PRKCD: variants seen among roughly 807,000 people sequenced by gnomAD.
PRKCD encodes protein kinase C delta.
A neutral mutation model predicts 82.2 loss-of-function variants in PRKCD; 20 were observed. That is an observed-to-expected ratio of 0.24 (90% CI 0.17 to 0.35). PRKCD has a LOEUF of 0.35. Among genes scored for constraint, PRKCD ranks in the 10% least tolerant of loss-of-function variants. The pLI, the probability that PRKCD is intolerant of heterozygous loss-of-function variation, is 1.00. For synonymous variants in PRKCD, 317 were observed against 337.0 expected, an observed-to-expected ratio of 0.94 and a Z score of 0.65; for missense variants, 607 against 899.0, an observed-to-expected ratio of 0.68 and a Z score of 4.15.
intron 9 of PRKCD, among the ~76,000 whole-genome samples, chr3:53,183,809 GGA>G (rs1408399278): frequency 6.6e-6 from 1 of 152,236 alleles, no homozygotes; most frequent in Non-Finnish European, 1.5e-5. Context: ...TGAGCCATTT[GGA>G]GGAGAAAAGC....
Position 53,168,975 on chromosome 3 carries a change from CA to C in PRKCD, c.-20+3761del, listed in dbSNP as rs60312247. On this transcript the variant is annotated intron_variant, in intron 2 of 18. Coordinates refer to ENST00000330452, the MANE Select transcript of PRKCD (RefSeq NM_006254.4). ...GAAAAGCCCCGTCTGGTGGCTGGAA[CA>C]GGGGGACTGTCGGGCCGGGGTAGAG... Among the ~76,000 whole-genome samples, 1,465 of 152,028 alleles carry C rather than the reference CA, an allele frequency of 9.6e-3. 15 individuals are homozygous for C. The highest frequency in any genetic ancestry group is 0.034 in the African/African-American group (1,403 of 41,428).
chr3:53,176,724 A>C (rs184510334), intron 2 of PRKCD, among the ~76,000 whole-genome samples: 1 of 152,362 alleles, frequency 6.6e-6, no homozygotes, highest in Non-Finnish European at 1.5e-5. Flanking sequence ...GTGAACATTA[A>C]CTTAGAGAAT....
chr3:53,183,595 C>A lies in PRKCD; in HGVS notation c.787+14C>A. 1 of 1,612,706 alleles carries A rather than the reference C, an allele frequency of 6.2e-7. No individual in the cohort carries two copies. Among genetic ancestry groups the A allele is most frequent in the South Asian group, 1.1e-5 (1 of 90,988 alleles). ...TAAAGTGTGAAGGTGCGTGCCACCC[C>A]GCCCCTGGGCTGCAGGAGGGGCACT... is the stretch of plus-strand genomic sequence containing the variant. On this transcript the variant is annotated intron_variant, in intron 9 of 18. Coordinates refer to ENST00000330452, the MANE Select transcript of PRKCD (RefSeq NM_006254.4).
At chr3:53,187,661 A>G (rs1703759723) in intron 15 of PRKCD, among the ~76,000 whole-genome samples, 1 of 152,210 alleles carries the variant, frequency 6.6e-6, no homozygotes, top group South Asian at 2.1e-4. Context: ...TGGAGCCGTC[A>G]GTCTCGCTCT....
At position 53,183,599 on chromosome 3, in the gene PRKCD, C is replaced by A. The variant is rs782459393; in HGVS notation, c.787+18C>A. The A allele has an allele frequency of 6.2e-7, 1 of 1,612,492 alleles. No individual in the cohort carries two copies. The highest frequency in any genetic ancestry group is 2.2e-5 in the East Asian group (1 of 44,838). The stretch of plus-strand genomic sequence containing the variant: ...GTGTGAAGGTGCGTGCCACCCCGCC[C>A]CTGGGCTGCAGGAGGGGCACTCCCA... On this transcript the variant is annotated intron_variant, in intron 9 of 18. Coordinates refer to ENST00000330452, the MANE Select transcript of PRKCD (RefSeq NM_006254.4).
intron 2 of PRKCD, among the ~76,000 whole-genome samples, chr3:53,168,078 C>T (rs528786976): frequency 6.6e-6 from 1 of 152,272 alleles, no homozygotes; most frequent in African/African-American, 2.4e-5. Flanking sequence ...TTGGCCCTCT[C>T]CAGCTCTGGC....
chr3:53,178,498 C>A lies in PRKCD; in HGVS notation c.76C>A (p.Pro26Thr). The change falls in exon 3 of 19, where the codon CCC (proline) becomes ACC (threonine). Residue 26 changes from proline (P) to threonine (T), a missense_variant. Coordinates refer to ENST00000330452, the MANE Select transcript of PRKCD (RefSeq NM_006254.4). ...SLQAEDEANQ[P>T]FCAVKMKEAL... The stretch of plus-strand genomic sequence containing the variant: ...GCAGGCCGAGGACGAGGCGAACCAG[C>A]CCTTCTGTGCCGTGAAGATGAAGGA... 6.2e-7 allele frequency: 1 copy of A among 1,613,248 alleles called. No individual in the cohort carries two copies. The highest frequency in any genetic ancestry group is 1.1e-5 in the South Asian group (1 of 91,062).
chr3:53,188,551 C>A (rs575375331), intron 15 of PRKCD, among the ~76,000 whole-genome samples, 169 bp from the exon 16 acceptor site: 4 of 152,268 alleles, frequency 2.6e-5, no homozygotes, highest in African/African-American at 9.6e-5. Flanking sequence ...TTGCAAGAAG[C>A]ACCTGTTTTT....
chr3:53,181,785 G>T (rs1400139103), intron 7 of PRKCD, 53 bp downstream of exon 7: 1 of 1,612,460 alleles, frequency 6.2e-7, no homozygotes. Context: ...GTGCTCACGT[G>T]TGCCAGTGCC....
intron 17 of PRKCD, 21 bp from the exon 18 acceptor site, chr3:53,189,852 A>G: frequency 1.2e-6 from 2 of 1,613,946 alleles, no homozygotes; most frequent in Non-Finnish European, 1.7e-6. Flanking sequence ...GGTGCTAACC[A>G]GGGTCCCTGC....
intron 1 of PRKCD, among the ~76,000 whole-genome samples, chr3:53,161,836 C>A (rs1702670889): frequency 6.7e-6 from 1 of 149,526 alleles, no homozygotes; most frequent in Non-Finnish European, 1.5e-5. Context: ...CCTTGCCCTC[C>A]GCGTGCTCCA....
Position 53,186,584 on chromosome 3 carries a change from C to A in PRKCD, c.1261-20C>A. 1 of 1,600,126 alleles carries A rather than the reference C, an allele frequency of 6.2e-7. No homozygotes were observed. The highest frequency in any genetic ancestry group is 8.5e-7 in the Non-Finnish European group (1 of 1,170,474). On this transcript the variant is annotated intron_variant, in intron 13 of 18. Transcript: ENST00000330452. ...CTCCTGCCTATTCCTCACCCCTGCT[C>A]ACCACCCTTCCCACCCCAGGACCAC...
Position 53,189,947 on chromosome 3 carries a change from A to T in PRKCD, c.1818A>T (p.Ile606=). 2 of 1,614,140 alleles carry T rather than the reference A, an allele frequency of 1.2e-6. No individual in the cohort carries two copies. Among genetic ancestry groups the T allele is most frequent in the African/African-American group, 1.3e-5 (1 of 75,048 alleles). The change falls in exon 18 of 19, where the codon ATA becomes ATT. Residue 606 remains isoleucine (I), a synonymous_variant. Coordinates refer to ENST00000330452, the MANE Select transcript of PRKCD (RefSeq NM_006254.4). ...AAATCCACCCCTTCTTCAAGACCAT[A>T]AACTGGACTCTGCTGGAAAAGCGGA... ...NIKIHPFFKT[I]NWTLLEKRRL...
At position 53,192,400 on chromosome 3, in the gene PRKCD, T is replaced by C. The variant is rs1209954818; in HGVS notation, c.*134T>C. 1 of 1,057,064 alleles carries C rather than the reference T, an allele frequency of 9.5e-7. No individual in the cohort carries two copies. Among genetic ancestry groups the C allele is most frequent in the Non-Finnish European group, 1.4e-6 (1 of 718,256 alleles). The allele number at this position is 1,057,064 out of a possible 1,614,324, so 65.5% of individuals were successfully genotyped here. On this transcript the variant is annotated 3_prime_UTR_variant, in exon 19 of 19. Transcript: ENST00000330452. The stretch of plus-strand genomic sequence containing the variant: ...CCCCAGAGCGTCCTTGGCTGCCGTC[T>C]GGCCGGGCTCTCATGGTACTTCCTC...
chr3:53,162,107 T>C (rs1285848141), intron 1 of PRKCD, among the ~76,000 whole-genome samples: 1 of 151,878 alleles, frequency 6.6e-6, no homozygotes, highest in African/African-American at 2.4e-5. Context: ...CATCCGTCTC[T>C]GGGCTGGGCG....
intron 18 of PRKCD, 68 bp downstream of exon 18, chr3:53,190,069 A>G: frequency 6.3e-7 from 1 of 1,593,310 alleles, no homozygotes; most frequent in Non-Finnish European, 8.6e-7. Context: ...TCTCTCCTGC[A>G]TCATTCACAC....
intron 11 of PRKCD, 32 bp from the exon 12 acceptor site, chr3:53,185,895 C>T: frequency 1.2e-6 from 2 of 1,610,712 alleles, no homozygotes; most frequent in Non-Finnish European, 1.7e-6. Context: ...AGACTGAGAC[C>T]CCGATCTGAG....
chr3:53,166,811 AGCCACCCTGCCCACCTG>A (rs2107221599), intron 2 of PRKCD, among the ~76,000 whole-genome samples: 1 of 152,372 alleles, frequency 6.6e-6, no homozygotes, highest in South Asian at 2.1e-4. Flanking sequence ...TGCATTCAGC[AGCCACCCTGCCCACCTG>A]GCCCCAGGCT....
At position 53,171,650 on chromosome 3, in the gene PRKCD, A is replaced by T. The variant is rs142419635; in HGVS notation, c.-20+6435A>T. 1.8e-3 allele frequency among the ~76,000 whole-genome samples: 274 copies of T among 152,300 alleles called. 3 individuals carry two copies. The highest frequency in any genetic ancestry group is 6.4e-3 in the African/African-American group (265 of 41,548). The stretch of plus-strand genomic sequence containing the variant: ...CAGTGGGAAAGCAGCTAGCTTCCTG[A>T]GAGGTGGGAAGGGTCCCCCAGGGCC... On this transcript the variant is annotated intron_variant, in intron 2 of 18. Coordinates refer to ENST00000330452, the MANE Select transcript of PRKCD (RefSeq NM_006254.4).
Sources: gnomAD v4.1 joint callset for allele counts (sites outside exome capture counted in the v4.1 genomes callset) on GRCh38, gnomAD v4.1.1 for gene constraint, MANE v1.5 for transcripts, NCBI Gene and HGNC (gene_info 2026-07-23, HGNC 2026-07-21) for gene names.